The following AGPAT3 variants were observed in gnomAD, a reference collection of about 807,000 sequenced individuals.
AGPAT3 encodes 1-acyl-sn-glycerol-3-phosphate acyltransferase gamma.
Under a neutral mutation model 47.3 loss-of-function variants are expected in AGPAT3, and 5 were observed. The ratio of observed to expected loss-of-function variants is 0.11; its 90% CI spans 0.06 to 0.22. The LOEUF (loss-of-function observed/expected upper bound fraction) is 0.22, where lower values mean the gene tolerates loss of function less well. Among genes scored for constraint, AGPAT3 ranks in the 10% least tolerant of loss-of-function variants. The probability of loss-of-function intolerance (pLI) is 1.00; values close to 1 mark genes in which losing one functional copy is unlikely to be tolerated. For missense variants in AGPAT3, 315 were observed against 493.0 expected (o/e 0.64, Z 3.42); for synonymous variants, 212 against 208.3 (o/e 1.02, Z -0.15).
At chr21:43,959,086 G>GCA (rs2088668325) in intron 2 of AGPAT3, among the ~76,000 whole-genome samples, 1 of 137,334 alleles carries the variant, frequency 7.3e-6, no homozygotes, top group African/African-American at 2.8e-5. Flanking sequence ...GGTTTGTGGT[G>GCA]TGTGTGTGTC....
At chr21:43,900,355 A>C (rs2086321529) in intron 1 of AGPAT3, among the ~76,000 whole-genome samples, 1 of 152,200 alleles carries the variant, frequency 6.6e-6, no homozygotes, top group Non-Finnish European at 1.5e-5. Flanking sequence ...CCAGAAAGCC[A>C]AACAAAAGTG....
At position 43,984,693 on chromosome 21, in the gene AGPAT3, T is replaced by TTG; in HGVS notation, c.*2301_*2302insTG. The TTG allele has an allele frequency of 3.2e-5, 4 of 123,884 alleles. No individual in the cohort carries two copies. The highest frequency in any genetic ancestry group is 7.7e-5 in the Admixed American group (1 of 12,994). The allele number at this position is 123,884 out of a possible 1,614,324, so 7.7% of individuals were successfully genotyped here. ...CATGAATGTTTGAATTTTTTTTTTTTGGGGGGGGGAGGGTGGATTTTGCTT... is the reference window on the plus strand; with the variant it reads ...CATGAATGTTTGAATTTTTTTTTTTTTGGGGGGGGGGAGGGTGGATTTTGCTT... On this transcript the variant is annotated 3_prime_UTR_variant, in exon 10 of 10. Transcript: ENST00000291572.
At chr21:43,925,808 C>G (rs145507312) in intron 2 of AGPAT3, among the ~76,000 whole-genome samples, 1 of 152,260 alleles carries the variant, frequency 6.6e-6, no homozygotes, top group Non-Finnish European at 1.5e-5. Flanking sequence ...TCTGTCAGGA[C>G]GTGCCACAGC....
chr21:43,929,862 G>A (rs1364253783), intron 2 of AGPAT3, among the ~76,000 whole-genome samples: 1 of 152,210 alleles, frequency 6.6e-6, no homozygotes, highest in Non-Finnish European at 1.5e-5. Context: ...GCTGAGTGCC[G>A]AGCTAAATCC....
chr21:43,985,750 T>C lies in AGPAT3; in HGVS notation c.*3358T>C, dbSNP rs1383389494. 1 of 167,908 alleles carries C rather than the reference T, an allele frequency of 6.0e-6. No individual in the cohort carries two copies. The highest frequency in any genetic ancestry group is 1.3e-5 in the Non-Finnish European group (1 of 77,044). The allele number at this position is 167,908 out of a possible 1,614,324, so 10.4% of individuals were successfully genotyped here. A position where few individuals can be genotyped will look rare whatever the true frequency, so the allele number is the denominator to read the frequency against. ...CAGCCCTGCAGATTTTCACCTGACT[T>C]GTTCAGCCCCATGCGTAGACTCCCG... is the stretch of plus-strand genomic sequence containing the variant. On this transcript the variant is annotated 3_prime_UTR_variant, in exon 10 of 10. Coordinates refer to ENST00000291572, the MANE Select transcript of AGPAT3 (RefSeq NM_020132.5).
intron 1 of AGPAT3, among the ~76,000 whole-genome samples, chr21:43,883,362 T>TCG (rs1291810292): frequency 1.3e-5 from 2 of 152,252 alleles, no homozygotes; most frequent in Non-Finnish European, 2.9e-5. Flanking sequence ...CGACACCGGT[T>TCG]CTGAGCCTCT....
Position 43,982,140 on chromosome 21 carries a change from C to T in AGPAT3, c.1043-164C>T, listed in dbSNP as rs2089876671. Among the ~76,000 whole-genome samples, 1 of 152,328 alleles carries T rather than the reference C, an allele frequency of 6.6e-6. No homozygotes were observed. The highest frequency in any genetic ancestry group is 2.4e-5 in the African/African-American group (1 of 41,578). Reference sequence around the variant, plus strand: ...CTGAGCAGACCACGGTCTGAGAGGGCTGTCTCCCCGCGGGCCACACCTACT... The same window carrying T: ...CTGAGCAGACCACGGTCTGAGAGGGTTGTCTCCCCGCGGGCCACACCTACT... On this transcript the variant is annotated intron_variant, in intron 9 of 9. Transcript: ENST00000291572. This position sits in a 1 kb window ranked among gnomAD's most constrained non-coding sequence, Gnocchi z 6.2.
Position 43,955,321 on chromosome 21 carries a change from T to A in AGPAT3, c.-48-4313T>A. The stretch of plus-strand genomic sequence containing the variant: ...GAAGGACTTGGATGGAAATGTTCCC[T>A]GTTGCAGTGTGGTGGGGTCACAGGC... On this transcript the variant is annotated intron_variant, in intron 2 of 9. Coordinates refer to ENST00000291572, the MANE Select transcript of AGPAT3 (RefSeq NM_020132.5). The surrounding 1 kb of genome is among the most constrained non-coding windows in gnomAD (Gnocchi z 4.1). 9.7e-7 allele frequency: 1 copy of A among 1,032,684 alleles called. No individual in the cohort carries two copies. Among genetic ancestry groups the A allele is most frequent in the Non-Finnish European group, 1.2e-6 (1 of 817,490 alleles). The allele number at this position is 1,032,684 out of a possible 1,614,324, so 64.0% of individuals were successfully genotyped here. A position where few individuals can be genotyped will look rare whatever the true frequency, so the allele number is the denominator to read the frequency against.
intron 1 of AGPAT3, among the ~76,000 whole-genome samples, chr21:43,889,641 G>A (rs1326290605): frequency 6.6e-6 from 1 of 152,194 alleles, no homozygotes; most frequent in Non-Finnish European, 1.5e-5. Context: ...CAGAAGTTAG[G>A]TTTATGCTGT....
intron 2 of AGPAT3, among the ~76,000 whole-genome samples, chr21:43,941,664 G>A (rs1679374967): frequency 6.6e-6 from 1 of 152,244 alleles, no homozygotes; most frequent in African/African-American, 2.4e-5. Flanking sequence ...AACCCCAGGA[G>A]CAACCGCTCA....
At chr21:43,909,103 A>G (rs2086569516) in intron 2 of AGPAT3, among the ~76,000 whole-genome samples, 1 of 152,114 alleles carries the variant, frequency 6.6e-6, no homozygotes, top group African/African-American at 2.4e-5. Context: ...ACATTGTCTG[A>G]TAAGGGACTT....
In AGPAT3 at chr21:43,908,577, G is replaced by GGAGCC. The variant is rs1369389323; in HGVS notation, c.-49+4560_-49+4564dup. 6.6e-6 allele frequency among the ~76,000 whole-genome samples: 1 copy of GGAGCC among 152,194 alleles called. No individual in the cohort carries two copies. The highest frequency in any genetic ancestry group is 1.5e-5 in the Non-Finnish European group (1 of 68,026). ...GGTGAGGGCATGGGGTAGGGGGAGTGGAGCCGTGGGTGCGGCACTAGAAGG... is the reference window on the plus strand; with the variant it reads ...GGTGAGGGCATGGGGTAGGGGGAGTGGAGCCGAGCCGTGGGTGCGGCACTAGAAGG... On this transcript the variant is annotated intron_variant, in intron 2 of 9. Transcript: ENST00000291572. The surrounding 1 kb of genome is among the most constrained non-coding windows in gnomAD (Gnocchi z 4.9).
chr21:43,930,444 C>T lies in AGPAT3; in HGVS notation c.-49+26425C>T, dbSNP rs765453131. The stretch of plus-strand genomic sequence containing the variant: ...CACTGAGTGTGACCTCAGGGTTGCC[C>T]GTGCGACCTCAGCGTGGCCCATGGG... On this transcript the variant is annotated intron_variant, in intron 2 of 9. Coordinates refer to ENST00000291572, the MANE Select transcript of AGPAT3 (RefSeq NM_020132.5). This position sits in a 1 kb window ranked among gnomAD's most constrained non-coding sequence, Gnocchi z 5.0. Among the ~76,000 whole-genome samples, 15 of 152,160 alleles carry T rather than the reference C, an allele frequency of 9.9e-5. No homozygotes were observed. The highest frequency in any genetic ancestry group is 4.6e-4 in the Admixed American group (7 of 15,278).
chr21:43,867,671 T>TA (rs1397911798), intron 1 of AGPAT3: 1 of 152,264 alleles, frequency 6.6e-6, no homozygotes, highest in Non-Finnish European at 1.5e-5. Flanking sequence ...ATGTCCCTGT[T>TA]ATAAGGTATC....
intron 2 of AGPAT3, among the ~76,000 whole-genome samples, chr21:43,951,913 T>G (rs148756291): frequency 1.1e-4 from 17 of 152,250 alleles, no homozygotes; most frequent in Non-Finnish European, 2.4e-4. Flanking sequence ...TTGGGGATTT[T>G]GGCAAAGAAG....
intron 7 of AGPAT3, among the ~76,000 whole-genome samples, chr21:43,972,195 C>T (rs1215340420): frequency 6.6e-6 from 1 of 152,034 alleles, no homozygotes; most frequent in East Asian, 1.9e-4. Context: ...CCCAGGCTGG[C>T]ATGCAGTGGC....
intron 2 of AGPAT3, among the ~76,000 whole-genome samples, chr21:43,957,911 CTG>C (rs1176090560): frequency 2.0e-5 from 3 of 152,204 alleles, no homozygotes; most frequent in Admixed American, 6.5e-5. Context: ...CCTGCTGAAA[CTG>C]TGAGACGTGC....
chr21:43,909,354 G>C (rs1368455149), intron 2 of AGPAT3, among the ~76,000 whole-genome samples: 1 of 150,664 alleles, frequency 6.6e-6, no homozygotes, highest in East Asian at 2.0e-4. Context: ...GGAGTGTGGT[G>C]GCGTGATCTC....
intron 7 of AGPAT3, among the ~76,000 whole-genome samples, chr21:43,971,868 CT>C (rs1442066288): frequency 6.6e-6 from 1 of 152,244 alleles, no homozygotes; most frequent in Admixed American, 6.5e-5. Context: ...TGCTCTGTCC[CT>C]TTGTGGGCTT....
Sources: gnomAD v4.1 joint callset for allele counts (sites outside exome capture counted in the v4.1 genomes callset) on GRCh38, gnomAD v4.1.1 for gene constraint, Gnocchi (gnomAD v3.1) non-coding constraint, MANE v1.5 for transcripts, NCBI Gene and HGNC (gene_info 2026-07-23, HGNC 2026-07-21) for gene names.